GABRG3: variants seen among roughly 807,000 people sequenced by gnomAD.
GABRG3 encodes the protein gamma-aminobutyric acid receptor subunit gamma-3.
GABRG3 carries 25 observed loss-of-function variants against 48.8 expected under a neutral mutation model. The ratio of observed to expected loss-of-function variants is 0.51; its 90% CI spans 0.37 to 0.72. The LOEUF is 0.72. GABRG3 is among the 30% of genes least tolerant of loss of function. The pLI, the probability that GABRG3 is intolerant of heterozygous loss-of-function variation, is 0.00. For missense variants in GABRG3, 394 were observed against 577.9 expected, an observed-to-expected ratio of 0.68 and a Z score of 3.26; for synonymous variants, 227 against 217.6, an observed-to-expected ratio of 1.04 and a Z score of -0.38.
intron 2 of GABRG3, among the ~76,000 whole-genome samples, chr15:26,986,215 G>A (rs1260503507): frequency 6.6e-6 from 1 of 151,788 alleles, no homozygotes; most frequent in East Asian, 1.9e-4. Context: ...TAATTCAAAT[G>A]TATTCACTCC....
chr15:27,289,655 A>C (rs760000511), intron 3 of GABRG3, among the ~76,000 whole-genome samples: 4 of 152,186 alleles, frequency 2.6e-5, no homozygotes, highest in Non-Finnish European at 4.4e-5. Flanking sequence ...ACCACTGTAC[A>C]GTATACAAGA....
chr15:27,366,015 G>A (rs1315474923), intron 5 of GABRG3: 2 of 152,174 alleles, frequency 1.3e-5, no homozygotes, highest in African/African-American at 2.4e-5. Context: ...ATGGGAGTTC[G>A]TTTTCAGTAG....
intron 5 of GABRG3, among the ~76,000 whole-genome samples, chr15:27,359,238 G>A (rs112982240): frequency 7.9e-5 from 12 of 152,348 alleles, no homozygotes; most frequent in African/African-American, 2.2e-4. Flanking sequence ...TGCCCTCCCC[G>A]CTACGGTGGG....
chr15:27,196,424 C>T (rs1224553532), intron 3 of GABRG3, among the ~76,000 whole-genome samples: 1 of 152,158 alleles, frequency 6.6e-6, no homozygotes, highest in East Asian at 1.9e-4. Flanking sequence ...TCCCAGGGCT[C>T]AGCCTTGCCA....
At chr15:27,098,561 T>C (rs2140764018) in intron 3 of GABRG3, among the ~76,000 whole-genome samples, 1 of 152,310 alleles carries the variant, frequency 6.6e-6, no homozygotes, top group South Asian at 2.1e-4. Context: ...AAATATTTTG[T>C]TCGTTTTTAA....
Position 27,437,522 on chromosome 15 carries a change from T to C in GABRG3, c.575-43128T>C, listed in dbSNP as rs113902148. ...TCACTTCCAGTAGAAGCATTTTTTT[T>C]CCAGTCATTCTTTTGTTCTGCATAT... On this transcript the variant is annotated intron_variant, in intron 5 of 9. Coordinates refer to ENST00000615808, the MANE Select transcript of GABRG3 (RefSeq NM_033223.5). Among the ~76,000 whole-genome samples, 601 of 152,304 alleles carry C rather than the reference T, an allele frequency of 3.9e-3. 5 individuals carry two copies. The highest frequency in any genetic ancestry group is 7.3e-3 in the Admixed American group (112 of 15,294).
intron 3 of GABRG3, among the ~76,000 whole-genome samples, chr15:27,058,831 G>A (rs149084044): frequency 6.6e-6 from 1 of 152,228 alleles, no homozygotes; most frequent in African/African-American, 2.4e-5. Context: ...ATCGTATAAA[G>A]TAAAATTGCT....
chr15:27,058,394 A>G (rs1345506273), intron 3 of GABRG3, among the ~76,000 whole-genome samples: 2 of 152,112 alleles, frequency 1.3e-5, no homozygotes, highest in Admixed American at 6.5e-5. Flanking sequence ...TATGCTTTTC[A>G]TTGTAAGTTT....
intron 3 of GABRG3, among the ~76,000 whole-genome samples, chr15:27,113,278 C>G (rs1279841683): frequency 6.6e-6 from 1 of 152,068 alleles, no homozygotes; most frequent in Non-Finnish European, 1.5e-5. Flanking sequence ...TCTGTTTCCT[C>G]CAAGTTCCCT....
intron 5 of GABRG3, among the ~76,000 whole-genome samples, chr15:27,451,527 C>A (rs1889111475): frequency 6.6e-6 from 1 of 152,114 alleles, no homozygotes. Context: ...ACACCATATA[C>A]AAAAATTAAC....
At chr15:27,155,190 A>C (rs142735063) in intron 3 of GABRG3, among the ~76,000 whole-genome samples, 11 of 152,236 alleles carry the variant, frequency 7.2e-5, no homozygotes, top group Admixed American at 1.3e-4. Context: ...AAGGCTTTTA[A>C]AAATTATTTT....
chr15:27,018,964 A>C (rs1280697636), intron 2 of GABRG3, among the ~76,000 whole-genome samples: 2 of 151,494 alleles, frequency 1.3e-5, no homozygotes, highest in African/African-American at 4.8e-5. Flanking sequence ...TTTGTGTTTA[A>C]AAAATTCTTG....
chr15:27,046,219 G>A (rs951722643), intron 3 of GABRG3, among the ~76,000 whole-genome samples: 4 of 151,848 alleles, frequency 2.6e-5, no homozygotes, highest in South Asian at 2.1e-4. Context: ...CCAGCCTCCC[G>A]AGTAGCTGGG....
chr15:27,140,240 G>A (rs1280667619), intron 3 of GABRG3, among the ~76,000 whole-genome samples: 6 of 152,126 alleles, frequency 3.9e-5, no homozygotes, highest in Non-Finnish European at 5.9e-5. Context: ...TGGCAAGTGC[G>A]GGGCAGTCTT....
intron 5 of GABRG3, among the ~76,000 whole-genome samples, chr15:27,332,042 A>T (rs1893819413): frequency 6.6e-6 from 1 of 152,232 alleles, no homozygotes; most frequent in African/African-American, 2.4e-5. Context: ...GCATTAATTC[A>T]TATGTATAGG....
At chr15:27,219,124 A>G (rs1889364932) in intron 3 of GABRG3, among the ~76,000 whole-genome samples, 1 of 152,170 alleles carries the variant, frequency 6.6e-6, no homozygotes, top group African/African-American at 2.4e-5. Flanking sequence ...AGAGTCTTTG[A>G]TATGCTATCT....
At chr15:27,129,359 G>A (rs1424911823) in intron 3 of GABRG3, among the ~76,000 whole-genome samples, 12 of 152,016 alleles carry the variant, frequency 7.9e-5, no homozygotes. Flanking sequence ...TGTCTTCAAG[G>A]TTCATTCATG....
At chr15:27,124,148 C>A (rs1160231809) in intron 3 of GABRG3, among the ~76,000 whole-genome samples, 1 of 152,154 alleles carries the variant, frequency 6.6e-6, no homozygotes, top group Non-Finnish European at 1.5e-5. Flanking sequence ...TTCTTAGAGC[C>A]TGGGGACAAA....
intron 3 of GABRG3, among the ~76,000 whole-genome samples, chr15:27,092,101 G>C (rs1897195779): frequency 6.6e-6 from 1 of 152,126 alleles, no homozygotes; most frequent in Non-Finnish European, 1.5e-5. Context: ...TTACTGTGGA[G>C]TTTAAAGAGT....
Sources: gnomAD v4.1 joint callset for allele counts (sites outside exome capture counted in the v4.1 genomes callset) on GRCh38, gnomAD v4.1.1 for gene constraint, MANE v1.5 for transcripts, NCBI Gene and HGNC (gene_info 2026-07-23, HGNC 2026-07-21) for gene names.